PIEZO2: variants seen among roughly 807,000 people sequenced by gnomAD.
PIEZO2 encodes piezo type mechanosensitive ion channel component 2, also known as piezo-type mechanosensitive ion channel component 2.
Under a neutral mutation model 337.3 loss-of-function variants are expected in PIEZO2, and 172 were observed. That is an observed-to-expected ratio of 0.51 (90% CI 0.45 to 0.58). PIEZO2 has a LOEUF of 0.58. PIEZO2 is among the 20% of genes least tolerant of loss of function. PIEZO2 has a pLI of 0.00. For synonymous variants in PIEZO2, 1,251 were observed against 1,228.5 expected (o/e 1.02, Z -0.38); for missense variants, 3,028 against 3,391.3 (o/e 0.89, Z 2.66).
chr18:10,804,335 C>T (rs1302646349), intron 8 of PIEZO2, among the ~76,000 whole-genome samples: 3 of 152,148 alleles, frequency 2.0e-5, no homozygotes, highest in Non-Finnish European at 2.9e-5. Context: ...CAAAGGTGCG[C>T]GGTTAACCGT....
chr18:11,020,391 T>G (rs2036267843), intron 2 of PIEZO2, among the ~76,000 whole-genome samples: 1 of 152,152 alleles, frequency 6.6e-6, no homozygotes, highest in African/African-American at 2.4e-5. Context: ...TATACTGAAT[T>G]GGCACCTGGG....
chr18:10,842,446 C>T (rs1441846397), intron 7 of PIEZO2, among the ~76,000 whole-genome samples: 1 of 152,118 alleles, frequency 6.6e-6, no homozygotes, highest in South Asian at 2.1e-4. Flanking sequence ...AGTTCTTGCT[C>T]TATTACTTGC....
In PIEZO2 at chr18:10,726,526, G is replaced by GCTGCT. The variant is rs546595778; in HGVS notation, c.5029+4876_5029+4880dup. On this transcript the variant is annotated intron_variant, in intron 36 of 55. Coordinates refer to ENST00000674853, the MANE Select transcript of PIEZO2 (RefSeq NM_001378183.1). The surrounding 1 kb of genome is among the most constrained non-coding windows in gnomAD (Gnocchi z 5.9). ...AGCAGCCGTTCCTGTGGCGCGCTGCGCTGCTCTGCTCTGCTACACCAGCCG... is the reference window on the plus strand; with the variant it reads ...AGCAGCCGTTCCTGTGGCGCGCTGCGCTGCTCTGCTCTGCTCTGCTACACCAGCCG... 7.9e-4 allele frequency: 1,160 copies of GCTGCT among 1,470,056 alleles called. 6 individuals carry two copies. The African/African-American group carries it at 0.015, about 19-fold the overall frequency. The allele number at this position is 1,470,056 out of a possible 1,614,324, so 91.1% of individuals were successfully genotyped here. A position where few individuals can be genotyped will look rare whatever the true frequency, so the allele number is the denominator to read the frequency against.
At chr18:10,912,777 G>T (rs2030595637) in intron 3 of PIEZO2, among the ~76,000 whole-genome samples, 1 of 152,180 alleles carries the variant, frequency 6.6e-6, no homozygotes, top group African/African-American at 2.4e-5. Flanking sequence ...ATGGGGTTTT[G>T]CCAGGGGACC....
chr18:11,079,991 G>A (rs747442011), intron 1 of PIEZO2, among the ~76,000 whole-genome samples: 3 of 152,204 alleles, frequency 2.0e-5, no homozygotes, highest in East Asian at 1.9e-4. Context: ...AGGTAGATAC[G>A]GTCAATATCC....
In PIEZO2 at chr18:10,672,877, GA is replaced by G. The variant is rs1184334718; in HGVS notation, c.8162-5del. On this transcript the variant is annotated splice_polypyrimidine_tract_variant and splice_region_variant and intron_variant, in intron 54 of 55. Transcript: ENST00000674853. The surrounding 1 kb of genome is among the most constrained non-coding windows in gnomAD (Gnocchi z 4.7). ...GTAATATCCATGAAATTATTTTCTAGAAGGGTAGAAATGCAAAATTAAGTTG... is the reference window on the plus strand; with the variant it reads ...GTAATATCCATGAAATTATTTTCTAGAGGGTAGAAATGCAAAATTAAGTTG... The G allele has an allele frequency of 3.1e-6, 5 of 1,593,814 alleles. No homozygotes were observed. Among genetic ancestry groups the G allele is most frequent in the African/African-American group, 1.4e-5 (1 of 74,028 alleles).
At chr18:10,706,363 C>T (rs545564603) in intron 40 of PIEZO2, among the ~76,000 whole-genome samples, 3 of 152,300 alleles carry the variant, frequency 2.0e-5, no homozygotes, top group South Asian at 4.1e-4. Context: ...TCTGTGCATC[C>T]CGTCTGCGGA....
intron 40 of PIEZO2, 54 bp from the exon 41 acceptor site, chr18:10,705,800 G>T (rs1374028216): frequency 3.5e-5 from 51 of 1,455,766 alleles, no homozygotes; most frequent in Non-Finnish European, 4.4e-5. Flanking sequence ...CACACTCCTG[G>T]GGTTCTTTCC....
chr18:11,079,597 C>A (rs186524983), intron 1 of PIEZO2, among the ~76,000 whole-genome samples: 3 of 152,310 alleles, frequency 2.0e-5, no homozygotes, highest in Admixed American at 2.0e-4. Flanking sequence ...TTACTCCAGT[C>A]TCTACTCCAT....
intron 7 of PIEZO2, among the ~76,000 whole-genome samples, chr18:10,852,494 A>G (rs887982804): frequency 2.2e-4 from 33 of 152,216 alleles, no homozygotes; most frequent in African/African-American, 8.0e-4. Context: ...TTAGCACTGT[A>G]TAGACACAGT....
chr18:10,680,176 A>G (rs1425551058), intron 52 of PIEZO2, 23 bp downstream of exon 52: 3 of 1,582,888 alleles, frequency 1.9e-6, no homozygotes, highest in African/African-American at 1.4e-5. Flanking sequence ...GGGATAAATT[A>G]TACATGGAAA....
At position 11,062,185 on chromosome 18, in the gene PIEZO2, C is replaced by T. The variant is rs2037986783; in HGVS notation, c.160+3942G>A. ...ATGATTCCCTATTTAATAAATGGTG[C>T]TGGGAAAACTGGCTAGCCATATGTA... On this transcript the variant is annotated intron_variant, in intron 2 of 55. Coordinates refer to ENST00000674853, the MANE Select transcript of PIEZO2 (RefSeq NM_001378183.1). 2.0e-5 allele frequency among the ~76,000 whole-genome samples: 3 copies of T among 151,654 alleles called. No homozygotes were observed. The South Asian group carries it at 6.3e-4, about 32-fold the overall frequency.
rs939042296 is a variant in PIEZO2, at chr18:10,993,979, A to G, written c.161-14319T>C. 6.6e-6 allele frequency among the ~76,000 whole-genome samples: 1 copy of G among 152,020 alleles called. No homozygotes were observed. The highest frequency in any genetic ancestry group is 1.5e-5 in the Non-Finnish European group (1 of 68,018). On this transcript the variant is annotated intron_variant, in intron 2 of 55. Coordinates refer to ENST00000674853, the MANE Select transcript of PIEZO2 (RefSeq NM_001378183.1). The surrounding 1 kb of genome is among the most constrained non-coding windows in gnomAD (Gnocchi z 5.0). ...CACCCAAGAAGTATACACTGAAGCCAATTTGTATGCTTTTATCCCTCGCCC... is the reference window on the plus strand; with the variant it reads ...CACCCAAGAAGTATACACTGAAGCCGATTTGTATGCTTTTATCCCTCGCCC...
In PIEZO2 at chr18:10,770,154, C is replaced by T. The variant is rs1429118492; in HGVS notation, c.2940G>A (p.Val980=). The change falls in exon 21 of 56, where the codon GTG becomes GTA. Residue 980 remains valine, a synonymous_variant. Coordinates refer to ENST00000674853, the MANE Select transcript of PIEZO2 (RefSeq NM_001378183.1). ...IVSSYIIWVS[V]KEVSLFNYVF... ...AGGACAAATGTTCACTTGCCTCTTT[C>T]ACAGAAACCCAGATAATGTAAGAGG... 1 of 1,537,084 alleles carries T rather than the reference C, an allele frequency of 6.5e-7. No individual in the cohort carries two copies. Among genetic ancestry groups the T allele is most frequent in the East Asian group, 2.4e-5 (1 of 40,908 alleles).
At chr18:10,842,877 T>C (rs1022921023) in intron 7 of PIEZO2, among the ~76,000 whole-genome samples, 1 of 152,220 alleles carries the variant, frequency 6.6e-6, no homozygotes, top group South Asian at 2.1e-4. Flanking sequence ...TATTAAAACG[T>C]TTGTCAAGTT....
chr18:11,021,816 A>G lies in PIEZO2; in HGVS notation c.161-42156T>C, dbSNP rs1343620463. Among the ~76,000 whole-genome samples, 1 of 152,204 alleles carries G rather than the reference A, an allele frequency of 6.6e-6. No homozygotes were observed. Among genetic ancestry groups the G allele is most frequent in the Non-Finnish European group, 1.5e-5 (1 of 68,046 alleles). On this transcript the variant is annotated intron_variant, in intron 2 of 55. Transcript: ENST00000674853. The surrounding 1 kb of genome is among the most constrained non-coding windows in gnomAD (Gnocchi z 4.7). Reference sequence around the variant, plus strand: ...GGGACTGCAGATGCAAACCAGGAAAATGCCCAGCTCTGCTGCAGTTCCATT... The same window carrying G: ...GGGACTGCAGATGCAAACCAGGAAAGTGCCCAGCTCTGCTGCAGTTCCATT...
chr18:10,713,374 C>T lies in PIEZO2; in HGVS notation c.5423+1390G>A, dbSNP rs1462197813. Among the ~76,000 whole-genome samples the T allele has an allele frequency of 4.0e-5, 6 of 151,864 alleles. No homozygotes were observed. The highest frequency in any genetic ancestry group is 1.5e-4 in the African/African-American group (6 of 41,336). On this transcript the variant is annotated intron_variant, in intron 39 of 55. Transcript: ENST00000674853. The surrounding 1 kb of genome is among the most constrained non-coding windows in gnomAD (Gnocchi z 4.5). ...TTTTGGTTTTTTTTTTACCCACATT[C>T]CTCACTCAGTTTGTAATTCCAACAT...
At chr18:10,689,052 T>G (rs775825855) in intron 49 of PIEZO2, among the ~76,000 whole-genome samples, 2 of 152,180 alleles carry the variant, frequency 1.3e-5, no homozygotes, top group Non-Finnish European at 2.9e-5. Flanking sequence ...AAGGAGGGTA[T>G]TTTGAGACGA....
In PIEZO2 at chr18:11,105,772, A is replaced by G. The variant is rs1330054527; in HGVS notation, c.65-39550T>C. 6.6e-6 allele frequency among the ~76,000 whole-genome samples: 1 copy of G among 152,152 alleles called. No individual in the cohort carries two copies. Among genetic ancestry groups the G allele is most frequent in the Admixed American group, 6.5e-5 (1 of 15,280 alleles). On this transcript the variant is annotated intron_variant, in intron 1 of 55. Coordinates refer to ENST00000674853, the MANE Select transcript of PIEZO2 (RefSeq NM_001378183.1). This position sits in a 1 kb window ranked among gnomAD's most constrained non-coding sequence, Gnocchi z 4.3. ...AGCTCCGTAACCATATAAAAGTTAT[A>G]TTATAAAAGATAAGCAAAATTACGT... is the stretch of plus-strand genomic sequence containing the variant.
Sources: gnomAD v4.1 joint callset for allele counts (sites outside exome capture counted in the v4.1 genomes callset) on GRCh38, gnomAD v4.1.1 for gene constraint, Gnocchi (gnomAD v3.1) non-coding constraint, MANE v1.5 for transcripts, NCBI Gene and HGNC (gene_info 2026-07-23, HGNC 2026-07-21) for gene names.